Variants in MAPK6 observed in about 807,000 individuals in gnomAD.
The protein encoded by MAPK6 is mitogen-activated protein kinase 6.
Under a neutral mutation model 59.3 loss-of-function variants are expected in MAPK6, and 19 were observed. That is an observed-to-expected ratio of 0.32 (90% CI 0.22 to 0.47). The LOEUF is 0.47. Among genes scored for constraint, MAPK6 ranks in the 20% least tolerant of loss-of-function variants. The probability of loss-of-function intolerance (pLI) is 1.00; values close to 1 mark genes in which losing one functional copy is unlikely to be tolerated. For synonymous variants in MAPK6, 316 were observed against 290.3 expected, an observed-to-expected ratio of 1.09 and a Z score of -0.90; for missense variants, 724 against 847.9, an observed-to-expected ratio of 0.85 and a Z score of 1.81.
chr15:51,990,107 T>A (rs950433159), intron 2 of MAPK6, among the ~76,000 whole-genome samples: 4 of 152,208 alleles, frequency 2.6e-5, no homozygotes, highest in African/African-American at 9.6e-5. Flanking sequence ...GGTGAAATCA[T>A]TCATTGCACA....
rs373539568 is a variant in MAPK6 at position 52,031,690 on chromosome 15, G to A, written c.-632+12314G>A. 3.0e-4 allele frequency among the ~76,000 whole-genome samples: 46 copies of A among 152,192 alleles called. 5 individuals are homozygous for A. Among genetic ancestry groups the A allele is most frequent in the South Asian group, 1.9e-3 (9 of 4,812 alleles). On this transcript the variant is annotated intron_variant, in intron 1 of 5. Transcript: ENST00000261845. ...TACCAAGATAATAAAAAATTGAGCC[G>A]GGTGTGGCACCTTGCACGGTGGTCA...
chr15:51,998,609 C>T (rs2057232726), intron 2 of MAPK6, among the ~76,000 whole-genome samples: 3 of 149,932 alleles, frequency 2.0e-5, no homozygotes, highest in Non-Finnish European at 3.0e-5. Context: ...GCAACCTCTG[C>T]CTCCAGGTTC....
intron 1 of MAPK6, among the ~76,000 whole-genome samples, chr15:52,037,003 A>G (rs2031264928): frequency 6.6e-6 from 1 of 152,172 alleles, no homozygotes; most frequent in South Asian, 2.1e-4. Flanking sequence ...AATTGTTTTT[A>G]AAAATTAGGG....
intron 1 of MAPK6, among the ~76,000 whole-genome samples, chr15:52,038,238 T>G (rs2031306993): frequency 6.6e-6 from 1 of 152,172 alleles, no homozygotes; most frequent in Non-Finnish European, 1.5e-5. Flanking sequence ...AGTAAAATGT[T>G]GAATGAAACG....
At position 52,063,916 on chromosome 15, in the gene MAPK6, A is replaced by G; in HGVS notation, c.1082A>G (p.Gln361Arg). ...ATTTTTTTCAGGTATCATGATTGTC[A>G]GTTTTCAGAGCATGATTGGCCTGTA... is the stretch of plus-strand genomic sequence containing the variant. ...IYNWERYHDC[Q>R]FSEHDWPVHN... The change falls in exon 6 of 6, where the codon CAG (glutamine) becomes CGG (arginine). Residue 361 changes from glutamine to arginine, a missense_variant. By Grantham distance (43) the Gln-to-Arg change is conservative. Around this residue, in one of 4 missense-constraint regions of MAPK6, gnomAD observed 502 missense variants for 507.6 expected, o/e 0.99. Transcript: ENST00000261845. 6.5e-7 allele frequency: 1 copy of G among 1,540,060 alleles called. No homozygotes were observed. The highest frequency in any genetic ancestry group is 8.7e-7 in the Non-Finnish European group (1 of 1,144,222).
Position 52,065,680 on chromosome 15 carries a change from CAGT to C in MAPK6, c.*682_*684del, listed in dbSNP as rs2032391145. ...TCACATCTTATTTATTTTAGCAAAT[CAGT>C]ATATTTTCTGTATTTAATTATAAAA... is the stretch of plus-strand genomic sequence containing the variant. On this transcript the variant is annotated 3_prime_UTR_variant, in exon 6 of 6. Coordinates refer to ENST00000261845, the MANE Select transcript of MAPK6 (RefSeq NM_002748.4). 1 of 152,574 alleles carries C rather than the reference CAGT, an allele frequency of 6.6e-6. No homozygotes were observed. The highest frequency in any genetic ancestry group is 1.5e-5 in the Non-Finnish European group (1 of 68,022). 9.5% of individuals were successfully genotyped at this position (152,574 alleles called of 1,614,324 possible).
chr15:52,015,737 T>G (rs893822819), upstream of MAPK6, among the ~76,000 whole-genome samples: 8 of 147,432 alleles, frequency 5.4e-5, no homozygotes, highest in African/African-American at 1.7e-4. Context: ...CAGGCGTGAG[T>G]CCGCGCCCAG....
intron 1 of MAPK6, among the ~76,000 whole-genome samples, chr15:51,977,619 C>T (rs1248501497): frequency 1.3e-5 from 2 of 151,942 alleles, no homozygotes; most frequent in African/African-American, 4.8e-5. Context: ...TCACTGCAGC[C>T]TTGAACTCCT....
chr15:52,020,190 A>T (rs145885227), intron 1 of MAPK6, among the ~76,000 whole-genome samples: 235 of 152,332 alleles, frequency 1.5e-3, no homozygotes, highest in African/African-American at 5.4e-3. Context: ...TTTGCTGTGC[A>T]TTTTAGTCCG....
chr15:51,988,918 A>T (rs984107958), intron 2 of MAPK6, among the ~76,000 whole-genome samples: 1 of 151,458 alleles, frequency 6.6e-6, no homozygotes, highest in Non-Finnish European at 1.5e-5. Flanking sequence ...GCTGTTGAGC[A>T]CTCCTTGGCT....
chr15:52,017,870 G>A (rs1370226124), upstream of MAPK6: 2 of 152,214 alleles, frequency 1.3e-5, no homozygotes, highest in African/African-American at 4.8e-5. Flanking sequence ...ACGAGCTCTC[G>A]TTGCAGAAGC....
At chr15:52,039,946 A>T (rs2031365963) in intron 1 of MAPK6, among the ~76,000 whole-genome samples, 1 of 152,170 alleles carries the variant, frequency 6.6e-6, no homozygotes, top group African/African-American at 2.4e-5. Context: ...TTAAGGTCCC[A>T]TGTCTTTTCC....
At chr15:52,022,488 C>A (rs1264977597) in intron 1 of MAPK6, among the ~76,000 whole-genome samples, 1 of 152,138 alleles carries the variant, frequency 6.6e-6, no homozygotes, top group African/African-American at 2.4e-5. Flanking sequence ...TCTTGAACTC[C>A]TGGGCTCAAG....
chr15:52,056,443 C>T (rs1457924875), intron 3 of MAPK6, among the ~76,000 whole-genome samples: 4 of 151,880 alleles, frequency 2.6e-5, no homozygotes, highest in Non-Finnish European at 4.4e-5. Flanking sequence ...TCAAAAGATG[C>T]GTGCATCCTT....
At chr15:52,037,449 C>A (rs1017841270) in intron 1 of MAPK6, among the ~76,000 whole-genome samples, 4 of 152,222 alleles carry the variant, frequency 2.6e-5, no homozygotes, top group Non-Finnish European at 2.9e-5. Context: ...TCTTGCATAT[C>A]TTCATTATAC....
chr15:52,008,465 A>G (rs1203813702), intron 3 of MAPK6, among the ~76,000 whole-genome samples: 1 of 152,192 alleles, frequency 6.6e-6, no homozygotes, highest in Non-Finnish European at 1.5e-5. Flanking sequence ...GTCTTGCTGA[A>G]TTCTGATGCA....
At chr15:51,982,573 G>A (rs1007624624) in intron 1 of MAPK6, among the ~76,000 whole-genome samples, 1 of 152,158 alleles carries the variant, frequency 6.6e-6, no homozygotes, top group African/African-American at 2.4e-5. Flanking sequence ...TGGTGGTGGT[G>A]AAGGAGGTCT....
chr15:51,991,657 A>G (rs1183887173), intron 2 of MAPK6, among the ~76,000 whole-genome samples: 3 of 152,226 alleles, frequency 2.0e-5, no homozygotes, highest in Non-Finnish European at 4.4e-5. Context: ...TATGTCATAG[A>G]TACATACACA....
intron 2 of MAPK6, among the ~76,000 whole-genome samples, chr15:51,995,223 G>A (rs540565175): frequency 6.6e-6 from 1 of 152,326 alleles, no homozygotes; most frequent in African/African-American, 2.4e-5. Flanking sequence ...ACCTCATGAG[G>A]AGCTCTGGAG....
Sources: gnomAD v4.1 joint callset for allele counts (sites outside exome capture counted in the v4.1 genomes callset) on GRCh38, gnomAD v4.1.1 for gene constraint, gnomAD v4.1.1 regional missense constraint, MANE v1.5 for transcripts, NCBI Gene and HGNC (gene_info 2026-07-23, HGNC 2026-07-21) for gene names.